Variants in SCN9A observed in about 807,000 individuals in gnomAD.
SCN9A encodes sodium voltage-gated channel alpha subunit 9.
In SCN9A, 131 loss-of-function variants were observed where a neutral mutation model predicts 187.0. The observed-to-expected ratio is 0.70, with a 90% CI of 0.61 to 0.81. SCN9A has a LOEUF of 0.81. Among genes scored for constraint, SCN9A ranks in the 30% least tolerant of loss-of-function variants. SCN9A has a pLI of 0.00. For missense variants in SCN9A, 2,252 were observed against 2,396.6 expected, an observed-to-expected ratio of 0.94 and a Z score of 1.26; for synonymous variants, 809 against 808.6, an observed-to-expected ratio of 1.00 and a Z score of -0.01.
intron 24 of SCN9A, among the ~76,000 whole-genome samples, chr2:166,222,989 T>G: frequency 2.0e-5 from 1 of 50,334 alleles, no homozygotes; most frequent in Non-Finnish European, 4.5e-5. Context: ...CAAAAAACCG[T>G]AAAGAGATAT....
At chr2:166,211,175 C>G (rs1694075069) in intron 24 of SCN9A, among the ~76,000 whole-genome samples, 2 of 151,982 alleles carry the variant, frequency 1.3e-5, no homozygotes, top group African/African-American at 4.8e-5. Context: ...TCCAAAAGAG[C>G]TCTCTTAAGA....
chr2:166,260,651 G>T (rs2106440469), intron 17 of SCN9A, among the ~76,000 whole-genome samples: 1 of 151,852 alleles, frequency 6.6e-6, no homozygotes, highest in Middle Eastern at 3.4e-3. Flanking sequence ...TGTGGTTTTT[G>T]GGGGACTCAA....
intron 24 of SCN9A, among the ~76,000 whole-genome samples, chr2:166,224,286 T>C (rs1449540256): frequency 6.6e-6 from 1 of 152,174 alleles, no homozygotes; most frequent in Non-Finnish European, 1.5e-5. Flanking sequence ...GTGTACACTT[T>C]ATAAATGTAA....
At chr2:166,241,273 C>T (rs376081289) in intron 19 of SCN9A, among the ~76,000 whole-genome samples, 1 of 151,992 alleles carries the variant, frequency 6.6e-6, no homozygotes, top group Non-Finnish European at 1.5e-5. Context: ...TCTAATGGCT[C>T]ATCTCTGTCA....
intron 1 of SCN9A, among the ~76,000 whole-genome samples, chr2:166,363,412 G>C (rs917202120): frequency 3.3e-5 from 5 of 152,134 alleles, no homozygotes; most frequent in African/African-American, 1.2e-4. Flanking sequence ...TCTAGGATTA[G>C]AAAATGAAGG....
intron 12 of SCN9A, among the ~76,000 whole-genome samples, chr2:166,283,584 C>G (rs969684008): frequency 1.3e-5 from 2 of 152,156 alleles, no homozygotes; most frequent in Non-Finnish European, 2.9e-5. Context: ...TCTCTAACCA[C>G]TTAGTGACTC....
chr2:166,291,036 T>A (rs1290825261), intron 9 of SCN9A, among the ~76,000 whole-genome samples: 1 of 152,136 alleles, frequency 6.6e-6, no homozygotes, highest in Non-Finnish European at 1.5e-5. Context: ...AAGGATGCCC[T>A]CTCTCACCAC....
At chr2:166,201,861 A>G (rs2106342651) in intron 26 of SCN9A, among the ~76,000 whole-genome samples, 1 of 151,750 alleles carries the variant, frequency 6.6e-6, no homozygotes, top group East Asian at 1.9e-4. Flanking sequence ...TTTTTACCAA[A>G]AAATTTTCAT....
chr2:166,201,624 GTATACTATATATATAGTATAGAGTATGTA>G lies in SCN9A; in HGVS notation c.4775-1789_4775-1761del, dbSNP rs796219685. ...ACTATATATATAGTATAGAGTATGCGTATACTATATATATAGTATAGAGTATGTATATATATAGTATACATATATACATA... is the reference window on the plus strand; with the variant it reads ...ACTATATATATAGTATAGAGTATGCGTATATATAGTATACATATATACATA... On this transcript the variant is annotated intron_variant, in intron 26 of 26. Coordinates refer to ENST00000642356, the MANE Select transcript of SCN9A (RefSeq NM_001365536.1). 4.9e-3 allele frequency among the ~76,000 whole-genome samples: 261 copies of G among 53,316 alleles called. 1 individual carries two copies. Among genetic ancestry groups the G allele is most frequent in the Non-Finnish European group, 7.0e-3 (179 of 25,744 alleles). The allele number at this position is 53,316 out of a possible 152,430, so 35.0% of individuals were successfully genotyped here. A position where few individuals can be genotyped will look rare whatever the true frequency, so the allele number is the denominator to read the frequency against.
chr2:166,262,607 C>G (rs566698345), intron 17 of SCN9A, among the ~76,000 whole-genome samples: 4 of 152,064 alleles, frequency 2.6e-5, no homozygotes, highest in African/African-American at 7.2e-5. Context: ...TATACTACTA[C>G]TCATTTTCTT....
In SCN9A at chr2:166,307,019, G is replaced by C; in HGVS notation, c.314C>G (p.Ala105Gly). Residue 105 changes from alanine to glycine, a missense_variant, in exon 3 of 27, where the codon GCT becomes GGT. Ala to Gly is a moderately conservative substitution (Grantham distance 60). Transcript: ENST00000642356. ...ACTGAAAGGAGAAAGCATATATAAAGCAGGTGTGGCATTGAAACGGAAGAT... is the reference window on the plus strand; with the variant it reads ...ACTGAAAGGAGAAAGCATATATAAACCAGGTGTGGCATTGAAACGGAAGAT... Reference protein sequence around the residue: ...KTIFRFNATPALYMLSPFSPL... With the variant: ...KTIFRFNATPGLYMLSPFSPL... The C allele has an allele frequency of 6.2e-7, 1 of 1,612,076 alleles. No individual in the cohort carries two copies. The highest frequency in any genetic ancestry group is 8.5e-7 in the Non-Finnish European group (1 of 1,178,352).
intron 7 of SCN9A, among the ~76,000 whole-genome samples, chr2:166,297,196 CAAAAAAAAAAAA>C (rs71031236): frequency 3.6e-4 from 12 of 32,902 alleles, no homozygotes; most frequent in Admixed American, 6.0e-4. Flanking sequence ...GACTCCATCT[CAAAAAAAAAAAA>C]AAAAAAAAAA....
At chr2:166,356,641 A>G (rs1036023628) in intron 1 of SCN9A, among the ~76,000 whole-genome samples, 2 of 152,040 alleles carry the variant, frequency 1.3e-5, no homozygotes, top group African/African-American at 4.8e-5. Flanking sequence ...CACAGTACCA[A>G]CCCCTTGTGT....
chr2:166,315,205 T>G (rs1699079490), intron 1 of SCN9A, among the ~76,000 whole-genome samples: 1 of 152,162 alleles, frequency 6.6e-6, no homozygotes, highest in Admixed American at 6.5e-5. Flanking sequence ...ATACTGTGGC[T>G]CTTGAAGAAA....
chr2:166,259,792 T>C (rs1188006805), intron 17 of SCN9A, among the ~76,000 whole-genome samples: 1 of 151,832 alleles, frequency 6.6e-6, no homozygotes, highest in Non-Finnish European at 1.5e-5. Context: ...ATAAGACACA[T>C]TGATTTGAAT....
chr2:166,305,137 T>C (rs1698712310), intron 5 of SCN9A, among the ~76,000 whole-genome samples: 1 of 152,048 alleles, frequency 6.6e-6, no homozygotes, highest in African/African-American at 2.4e-5. Flanking sequence ...TGAACCTGGA[T>C]TACTTTGATA....
rs1487609705 is a variant in SCN9A at position 166,284,604 on chromosome 2, G to T, written c.1823C>A (p.Ser608Tyr). Residue 608 changes from serine to tyrosine, a missense_variant, in exon 12 of 27, where the codon TCC becomes TAC. Ser to Tyr is a moderately radical substitution (Grantham distance 144). Transcript: ENST00000642356. ...RSSNISQASR[S>Y]PPMLPVNGKM... is the part of the protein sequence containing the mutation. ...CCCGTTCACCGGCAGCATTGGTGGG[G>T]ACCTACTGGCTTGGCTGATGTTACT... The T allele has an allele frequency of 6.2e-7, 1 of 1,614,018 alleles. No individual in the cohort carries two copies. Among genetic ancestry groups the T allele is most frequent in the Non-Finnish European group, 8.5e-7 (1 of 1,179,922 alleles).
intron 24 of SCN9A, among the ~76,000 whole-genome samples, chr2:166,218,389 C>T (rs1403015404): frequency 6.6e-6 from 1 of 151,298 alleles, no homozygotes; most frequent in African/African-American, 2.4e-5. Flanking sequence ...TGCACATGTA[C>T]CCTAGAACTT....
At chr2:166,222,930 C>CAAAAAAAAAAAAAACAAAAAAAAAAAA (rs1369885268) in intron 24 of SCN9A, among the ~76,000 whole-genome samples, 1 of 19,538 alleles carries the variant, frequency 5.1e-5, no homozygotes, top group Non-Finnish European at 9.0e-5. Flanking sequence ...AACTCCGTCT[C>CAAAAAAAAAAAAAACAAAAAAAAAAAA]AAAAAAAAAA....
Sources: gnomAD v4.1 joint callset for allele counts (sites outside exome capture counted in the v4.1 genomes callset) on GRCh38, gnomAD v4.1.1 for gene constraint, MANE v1.5 for transcripts, NCBI Gene and HGNC (gene_info 2026-07-23, HGNC 2026-07-21) for gene names.